ADCYAP1: variants seen among roughly 807,000 people sequenced by gnomAD.
ADCYAP1 encodes the protein pituitary adenylate cyclase-activating polypeptide.
A neutral mutation model predicts 18.5 loss-of-function variants in ADCYAP1; 6 were observed. The observed-to-expected ratio is 0.32, with a 90% confidence interval of 0.18 to 0.64. The LOEUF (loss-of-function observed/expected upper bound fraction) is 0.64. Among genes scored for constraint, ADCYAP1 ranks in the 30% least tolerant of loss-of-function variants. The pLI is 0.77. For missense variants in ADCYAP1, 314 were observed against 253.6 expected, an observed-to-expected ratio of 1.24 and a Z score of -1.62; for synonymous variants, 136 against 113.9, an observed-to-expected ratio of 1.19 and a Z score of -1.24.
chr18:909,390 C>A, intron 4 of ADCYAP1, 56 bp from the exon 5 acceptor site: 1 of 1,539,982 alleles, frequency 6.5e-7, no homozygotes, highest in Non-Finnish European at 8.8e-7. Context: ...CTCCCCGCGG[C>A]GATTGAACCT....
chr18:905,179 C>A, intron 1 of ADCYAP1, 119 bp downstream of exon 1: 1 of 1,413,840 alleles, frequency 7.1e-7, no homozygotes, highest in Non-Finnish European at 9.2e-7. Context: ...TATTGGGCGC[C>A]GGGTAGATGC....
At chr18:908,418 G>A in intron 4 of ADCYAP1, 55 bp downstream of exon 4, 1 of 1,507,842 alleles carries the variant, frequency 6.6e-7, no homozygotes, top group South Asian at 1.2e-5. Flanking sequence ...GCCTGTGCGG[G>A]GCGCGCGGGG....
At chr18:904,459 C>T, upstream of ADCYAP1, 7 of 1,288,964 alleles carry the variant, frequency 5.4e-6, no homozygotes, top group Non-Finnish European at 7.1e-6. Flanking sequence ...ACAAAGAGGG[C>T]TCTCCAAAAA....
chr18:905,708 C>G (rs567560878), intron 2 of ADCYAP1: 10 of 616,770 alleles, frequency 1.6e-5, no homozygotes, highest in Non-Finnish European at 2.8e-5. Flanking sequence ...CCTCCCCCAG[C>G]CCTAGGCAGC....
intron 3 of ADCYAP1, chr18:908,018 A>G: frequency 1.2e-6 from 1 of 808,092 alleles, no homozygotes; most frequent in Non-Finnish European, 1.8e-6. Flanking sequence ...TGGCCCAAAG[A>G]GTGGCAGTGA....
At chr18:909,392 A>G in intron 4 of ADCYAP1, 54 bp from the exon 5 acceptor site, 3 of 1,553,954 alleles carry the variant, frequency 1.9e-6, no homozygotes, top group African/African-American at 2.7e-5. Flanking sequence ...CCCCGCGGCG[A>G]TTGAACCTGT....
At chr18:905,208 C>G (rs1909115837) in intron 1 of ADCYAP1, 148 bp downstream of exon 1, 1 of 1,427,196 alleles carries the variant, frequency 7.0e-7, no homozygotes, top group Non-Finnish European at 9.1e-7. Flanking sequence ...ATATTTTTTT[C>G]TAACTATAGC....
At chr18:907,861 TGGTGACCCACCCA>T in intron 3 of ADCYAP1, 71 bp downstream of exon 3, 1 of 1,389,984 alleles carries the variant, frequency 7.2e-7, no homozygotes, top group Non-Finnish European at 9.2e-7. Flanking sequence ...AGGGGCAGTG[TGGTGACCCACCCA>T]GGATTTTTTT....
In ADCYAP1 at chr18:905,516, C is replaced by T. The variant is rs552653569; in HGVS notation, c.110+20C>T. ...GATCAGGTAGGTGCTGGCTGCCTGGCCCAAGCAGGAGCTGGGGCTTCCCAG... is the reference window on the plus strand; with the variant it reads ...GATCAGGTAGGTGCTGGCTGCCTGGTCCAAGCAGGAGCTGGGGCTTCCCAG... On this transcript the variant is annotated intron_variant, in intron 2 of 4. Coordinates refer to ENST00000450565, the MANE Select transcript of ADCYAP1 (RefSeq NM_001099733.2). 11 of 1,602,712 alleles carry T rather than the reference C, an allele frequency of 6.9e-6. No homozygotes were observed. Among genetic ancestry groups the T allele is most frequent in the South Asian group, 4.4e-5 (4 of 91,032 alleles).
Position 909,351 on chromosome 18 carries a change from A to G in ADCYAP1, c.342-95A>G, listed in dbSNP as rs1909296540. ...AGTGCGAGCCCCGGGCCCTCCCCGA[A>G]GGCTCCCGCGTGGGGTGGGGCCCGC... On this transcript the variant is annotated intron_variant, in intron 4 of 4. Coordinates refer to ENST00000450565, the MANE Select transcript of ADCYAP1 (RefSeq NM_001099733.2). 2.5e-5 allele frequency: 32 copies of G among 1,273,914 alleles called. No individual in the cohort carries two copies. The South Asian group carries it at 3.1e-4, about 12-fold the overall frequency. The allele number at this position is 1,273,914 out of a possible 1,614,324, so 78.9% of individuals were successfully genotyped here.
intron 2 of ADCYAP1, chr18:905,703 C>A: frequency 1.6e-6 from 1 of 638,346 alleles, no homozygotes; most frequent in Admixed American, 3.0e-5. Flanking sequence ...GGACGCCTCC[C>A]CCAGCCCTAG....
At position 909,935 on chromosome 18, in the gene ADCYAP1, T is replaced by C. The variant is rs934381437; in HGVS notation, c.*300T>C. 4 of 149,764 alleles carry C rather than the reference T, an allele frequency of 2.7e-5. No homozygotes were observed. In the South Asian group the frequency reaches 8.4e-4, roughly 32 times the overall value. The allele number at this position is 149,764 out of a possible 1,614,324, so 9.3% of individuals were successfully genotyped here. ...TATAGAGAGAAGTTCATACAAAGCG[T>C]GCACAAGGATTGAAAATTCGCCCGA... On this transcript the variant is annotated 3_prime_UTR_variant, in exon 5 of 5. Coordinates refer to ENST00000450565, the MANE Select transcript of ADCYAP1 (RefSeq NM_001099733.2).
At position 910,949 on chromosome 18, in the gene ADCYAP1, T is replaced by G. The variant is rs890585055; in HGVS notation, c.*1314T>G. On this transcript the variant is annotated 3_prime_UTR_variant, in exon 5 of 5. Transcript: ENST00000450565. The stretch of plus-strand genomic sequence containing the variant: ...CCCCTCTGTAGCCACTAGTAAGTAA[T>G]TATGCACTAAATATGAACCCTTTGT... 12 of 152,188 alleles carry G rather than the reference T, an allele frequency of 7.9e-5. No individual in the cohort carries two copies. Among genetic ancestry groups the G allele is most frequent in the African/African-American group, 1.2e-4 (5 of 41,438 alleles). 9.4% of individuals were successfully genotyped at this position (152,188 alleles called of 1,614,324 possible).
intron 1 of ADCYAP1, 108 bp from the exon 2 acceptor site, chr18:905,278 C>T (rs373510219): frequency 1.3e-6 from 2 of 1,521,618 alleles, no homozygotes; most frequent in Non-Finnish European, 1.8e-6. Flanking sequence ...CTCAGGGAGC[C>T]GGGGCTTCGC....
intron 1 of ADCYAP1, 33 bp downstream of exon 1, chr18:905,093 G>A (rs564337959): frequency 1.5e-6 from 2 of 1,325,060 alleles, no homozygotes; most frequent in South Asian, 2.9e-5. Flanking sequence ...AAAGCGACCG[G>A]CTCACTCGAC....
At position 909,637 on chromosome 18, in the gene ADCYAP1, G is replaced by GA; in HGVS notation, c.*3dup. The GA allele has an allele frequency of 6.2e-7, 1 of 1,612,872 alleles. No individual in the cohort carries two copies. The highest frequency in any genetic ancestry group is 1.1e-5 in the South Asian group (1 of 90,952). Reference sequence around the variant, plus strand: ...GGACGCCGAATAGCTTATTTGTAGCGATGGGTTACCAGCTACCCTGTGTAT... The same window carrying GA: ...GGACGCCGAATAGCTTATTTGTAGCGAATGGGTTACCAGCTACCCTGTGTAT... On this transcript the variant is annotated 3_prime_UTR_variant, in exon 5 of 5. Transcript: ENST00000450565.
rs979063878 is a variant in ADCYAP1, at chr18:908,051, C to T, written c.243-214C>T. ...TGAGTGGCGTCAAGGAACCCACACT[C>T]CGCATCTGCCACTCCTAGAGCCGGG... is the stretch of plus-strand genomic sequence containing the variant. On this transcript the variant is annotated intron_variant, in intron 3 of 4. Coordinates refer to ENST00000450565, the MANE Select transcript of ADCYAP1 (RefSeq NM_001099733.2). The T allele has an allele frequency of 6.7e-5, 46 of 689,620 alleles. No individual in the cohort carries two copies. The African/African-American group carries it at 7.7e-4, about 12-fold the overall frequency. The allele number at this position is 689,620 out of a possible 1,614,324, so 42.7% of individuals were successfully genotyped here.
chr18:905,916 C>G (rs1909153482), intron 2 of ADCYAP1: 1 of 213,270 alleles, frequency 4.7e-6, no homozygotes, highest in Non-Finnish European at 9.3e-6. Flanking sequence ...TGCTTTGTTA[C>G]TGCTTGTTCT....
At chr18:905,213 T>C in intron 1 of ADCYAP1, 153 bp downstream of exon 1, 1 of 1,438,982 alleles carries the variant, frequency 6.9e-7, no homozygotes, top group East Asian at 2.5e-5. Context: ...TTTTTCTAAC[T>C]ATAGCAAGCA....
Sources: gnomAD v4.1 joint callset for allele counts on GRCh38, gnomAD v4.1.1 for gene constraint, MANE v1.5 for transcripts, NCBI Gene and HGNC (gene_info 2026-07-23, HGNC 2026-07-21) for gene names.